The following CDH4 variants were observed in gnomAD, a reference collection of about 807,000 sequenced individuals.
CDH4 encodes the protein cadherin-4.
A neutral mutation model predicts 86.0 loss-of-function variants in CDH4; 33 were observed. The observed-to-expected ratio is 0.38, with a 90% CI of 0.29 to 0.51. CDH4 has a LOEUF of 0.51. Ranked by LOEUF, CDH4 falls within the 20% of genes least tolerant of loss-of-function variation. The probability of loss-of-function intolerance (pLI) is 0.86; values close to 1 mark genes in which losing one functional copy is unlikely to be tolerated. For missense variants in CDH4, 1,114 were observed against 1,307.4 expected (o/e 0.85, Z 2.28); for synonymous variants, 555 against 549.4 (o/e 1.01, Z -0.14).
chr20:61,491,618 GTC>G (rs1189232653), intron 2 of CDH4, among the ~76,000 whole-genome samples: 1 of 152,202 alleles, frequency 6.6e-6, no homozygotes, highest in East Asian at 1.9e-4. Context: ...GTCTGCCATT[GTC>G]TCTCTGTTGT....
rs1224987504 is a variant in CDH4, at chr20:61,347,662, A to AGCTTAGTCGGGAGATGTATAT, written c.169+92731_169+92751dup. On this transcript the variant is annotated intron_variant, in intron 2 of 15. Transcript: ENST00000614565. Reference sequence around the variant, plus strand: ...TCGTGGACCTGGAAGTCCATTGTTCAGCTTAGTCGGGAGATGTATATGCTT... The same window carrying AGCTTAGTCGGGAGATGTATAT: ...TCGTGGACCTGGAAGTCCATTGTTCAGCTTAGTCGGGAGATGTATATGCTTAGTCGGGAGATGTATATGCTT... Among the ~76,000 whole-genome samples, 3 of 152,356 alleles carry AGCTTAGTCGGGAGATGTATAT rather than the reference A, an allele frequency of 2.0e-5. No individual in the cohort carries two copies. The East Asian group carries it at 5.8e-4, about 29-fold the overall frequency.
chr20:61,733,496 C>T (rs1393540650), intron 2 of CDH4, among the ~76,000 whole-genome samples: 1 of 152,172 alleles, frequency 6.6e-6, no homozygotes, highest in African/African-American at 2.4e-5. Context: ...CCCTCTGCTC[C>T]CTCATCTCCC....
intron 2 of CDH4, among the ~76,000 whole-genome samples, chr20:61,386,171 G>A (rs1055891089): frequency 3.9e-5 from 6 of 152,148 alleles, no homozygotes; most frequent in Non-Finnish European, 7.3e-5. Context: ...AATAGACCAC[G>A]TACCACTGCT....
At chr20:61,844,631 C>T (rs777990994) in intron 4 of CDH4, 37 bp from the exon 5 acceptor site, 9 of 1,583,604 alleles carry the variant, frequency 5.7e-6, no homozygotes, top group Non-Finnish European at 7.8e-6. Flanking sequence ...CTCCTCACCA[C>T]AGGATAACCT....
intron 2 of CDH4, among the ~76,000 whole-genome samples, chr20:61,722,272 G>C (rs1484831323): frequency 6.6e-6 from 1 of 152,124 alleles, no homozygotes; most frequent in East Asian, 1.9e-4. Context: ...ATCTCTCAAT[G>C]CTGTGGAAGG....
intron 4 of CDH4, among the ~76,000 whole-genome samples, chr20:61,791,450 G>A (rs970767194): frequency 2.6e-5 from 4 of 152,198 alleles, no homozygotes; most frequent in African/African-American, 4.8e-5. Flanking sequence ...ATCTTAGGCC[G>A]GATGAAAACA....
chr20:61,869,664 C>T (rs139733658), intron 6 of CDH4, among the ~76,000 whole-genome samples: 91 of 152,368 alleles, frequency 6.0e-4, no homozygotes, highest in Non-Finnish European at 8.1e-4. Context: ...AACCCTCTCA[C>T]GTCCACATCC....
At chr20:61,498,296 G>A (rs181166924) in intron 2 of CDH4, among the ~76,000 whole-genome samples, 3 of 152,258 alleles carry the variant, frequency 2.0e-5, no homozygotes, top group Admixed American at 6.5e-5. Context: ...CCGGTTGGCC[G>A]GTTGATTTTC....
chr20:61,546,504 G>A (rs183382984), intron 2 of CDH4, among the ~76,000 whole-genome samples: 167 of 151,818 alleles, frequency 1.1e-3, no homozygotes, highest in African/African-American at 3.7e-3. Context: ...TAAAGGCCTC[G>A]CCTCAAGCAC....
chr20:61,626,357 T>A (rs2086830004), intron 2 of CDH4, among the ~76,000 whole-genome samples: 1 of 152,212 alleles, frequency 6.6e-6, no homozygotes, highest in South Asian at 2.1e-4. Flanking sequence ...CATTGCACTG[T>A]CACCTGCGTT....
At chr20:61,513,212 C>A (rs1360975058) in intron 2 of CDH4, among the ~76,000 whole-genome samples, 2 of 152,164 alleles carry the variant, frequency 1.3e-5, no homozygotes, top group African/African-American at 4.8e-5. Flanking sequence ...CAGGGTCTGG[C>A]CCTTCCTGCC....
chr20:61,371,733 C>T (rs965158546), intron 2 of CDH4, among the ~76,000 whole-genome samples: 16 of 152,244 alleles, frequency 1.1e-4, no homozygotes, highest in African/African-American at 3.6e-4. Context: ...GACCTCATCA[C>T]GCACAGAGCA....
chr20:61,594,636 G>A (rs1325190277), intron 2 of CDH4, among the ~76,000 whole-genome samples: 1 of 152,172 alleles, frequency 6.6e-6, no homozygotes, highest in Admixed American at 6.5e-5. Flanking sequence ...AGACGCCACA[G>A]CCCTGTGACT....
At chr20:61,744,157 C>T (rs1032506071) in intron 3 of CDH4, among the ~76,000 whole-genome samples, 4 of 152,154 alleles carry the variant, frequency 2.6e-5, no homozygotes, top group African/African-American at 4.8e-5. Flanking sequence ...AGGCCCAGGG[C>T]GTTCTGAAGC....
chr20:61,826,100 C>A (rs115762183), intron 4 of CDH4, among the ~76,000 whole-genome samples: 133 of 152,296 alleles, frequency 8.7e-4, no homozygotes, highest in African/African-American at 3.1e-3. Context: ...TGCAGCAAGC[C>A]CAAGGGGTCC....
intron 2 of CDH4, among the ~76,000 whole-genome samples, chr20:61,256,426 A>G (rs1023497386): frequency 6.6e-6 from 1 of 152,218 alleles, no homozygotes. Flanking sequence ...ACAAATTCTC[A>G]TGCTTTCTAC....
At chr20:61,826,399 T>C (rs1981313542) in intron 4 of CDH4, among the ~76,000 whole-genome samples, 1 of 152,248 alleles carries the variant, frequency 6.6e-6, no homozygotes, top group Non-Finnish European at 1.5e-5. Context: ...CCCACGTGGC[T>C]TGTCTCCTTA....
intron 4 of CDH4, among the ~76,000 whole-genome samples, chr20:61,790,477 A>G (rs2146014667): frequency 6.9e-6 from 1 of 143,898 alleles, no homozygotes. Flanking sequence ...CCCACCCACC[A>G]TCCTTCCATT....
intron 2 of CDH4, among the ~76,000 whole-genome samples, chr20:61,575,341 A>G (rs979094984): frequency 3.9e-5 from 6 of 152,186 alleles, no homozygotes; most frequent in Non-Finnish European, 8.8e-5. Flanking sequence ...CACTAATCCC[A>G]GGGTATATAC....
Sources: allele counts gnomAD v4.1 joint callset (sites outside exome capture counted in the v4.1 genomes callset), GRCh38; gene constraint gnomAD v4.1.1; transcripts MANE v1.5; gene names NCBI Gene and HGNC (gene_info 2026-07-23, HGNC 2026-07-21).